Variants in ENPP2 observed in about 807,000 individuals in gnomAD.
The protein encoded by ENPP2 is ectonucleotide pyrophosphatase/phosphodiesterase 2.
In ENPP2, 51 loss-of-function variants were observed where a neutral mutation model predicts 120.2. That is an observed-to-expected ratio of 0.42 (90% CI 0.34 to 0.54). The LOEUF (loss-of-function observed/expected upper bound fraction) is 0.54. Ranked by LOEUF, ENPP2 falls within the 20% of genes least tolerant of loss-of-function variation. The pLI is 0.04. For synonymous variants in ENPP2, 365 were observed against 366.4 expected (o/e 1.00, Z 0.04); for missense variants, 920 against 1,066.5 (o/e 0.86, Z 1.91).
chr8:119,568,269 CA>C lies in ENPP2; in HGVS notation c.2054-18del. 7.4e-7 allele frequency: 1 copy of C among 1,345,142 alleles called. No individual in the cohort carries two copies. Among genetic ancestry groups the C allele is most frequent in the Non-Finnish European group, 1.1e-6 (1 of 951,068 alleles). The allele number at this position is 1,345,142 out of a possible 1,614,324, so 83.3% of individuals were successfully genotyped here. A position where few individuals can be genotyped will look rare whatever the true frequency, so the allele number is the denominator to read the frequency against. ...AGCTCAGATCTAAACATTAGGAAAA[CA>C]AATAGTATACGTTGCTTACCAAAAT... On this transcript the variant is annotated intron_variant, in intron 21 of 24. Coordinates refer to ENST00000075322, the MANE Select transcript of ENPP2 (RefSeq NM_001040092.3).
intron 1 of ENPP2, among the ~76,000 whole-genome samples, chr8:119,648,288 G>A (rs1216766985): frequency 6.6e-6 from 1 of 152,106 alleles, no homozygotes; most frequent in East Asian, 1.9e-4. Flanking sequence ...CTAAAGTGCT[G>A]GGCATAGAGT....
At chr8:119,623,191 C>G (rs1816027904) in intron 3 of ENPP2, among the ~76,000 whole-genome samples, 1 of 152,146 alleles carries the variant, frequency 6.6e-6, no homozygotes, top group Non-Finnish European at 1.5e-5. Flanking sequence ...ACGGGCCAGG[C>G]TCAGTGGCTC....
At chr8:119,590,718 T>G in intron 12 of ENPP2, 88 bp from the exon 13 acceptor site, 1 of 938,946 alleles carries the variant, frequency 1.1e-6, no homozygotes, top group Non-Finnish European at 1.5e-6. Context: ...CAGGCATCTC[T>G]TTAGTTAGTT....
chr8:119,624,420 T>G (rs1816126913), intron 3 of ENPP2, among the ~76,000 whole-genome samples: 1 of 152,158 alleles, frequency 6.6e-6, no homozygotes, highest in African/African-American at 2.4e-5. Context: ...TGAAAGGTCC[T>G]TGTGTCCTTT....
At chr8:119,558,790 A>G (rs1813685091) in intron 24 of ENPP2, among the ~76,000 whole-genome samples, 1 of 152,084 alleles carries the variant, frequency 6.6e-6, no homozygotes, top group Admixed American at 6.6e-5. Context: ...CCCTTCTACA[A>G]GTTGAAGGGT....
chr8:119,626,185 C>T (rs549325102), intron 3 of ENPP2, among the ~76,000 whole-genome samples: 2 of 152,200 alleles, frequency 1.3e-5, no homozygotes, highest in East Asian at 3.9e-4. Flanking sequence ...CAGTGAGATG[C>T]TATCTCTTAA....
At chr8:119,572,309 T>G in intron 19 of ENPP2, 1 of 1,280,216 alleles carries the variant, frequency 7.8e-7, no homozygotes. Flanking sequence ...CATTTAAGTT[T>G]TCATGGTTAC....
chr8:119,656,028 C>A (rs960163161), intron 1 of ENPP2, among the ~76,000 whole-genome samples: 1 of 152,200 alleles, frequency 6.6e-6, no homozygotes, highest in African/African-American at 2.4e-5. Flanking sequence ...AGGTTGGAGC[C>A]ACTATACCAA....
intron 1 of ENPP2, among the ~76,000 whole-genome samples, chr8:119,651,477 T>A (rs935640006): frequency 1.3e-5 from 2 of 152,202 alleles, no homozygotes; most frequent in African/African-American, 2.4e-5. Context: ...TTGCCCAAGT[T>A]CAAGTGCCTA....
chr8:119,580,103 A>T lies in ENPP2; in HGVS notation c.1780+13T>A, dbSNP rs1430752781. 6.2e-7 allele frequency: 1 copy of T among 1,604,718 alleles called. No homozygotes were observed. Among genetic ancestry groups the T allele is most frequent in the Non-Finnish European group, 8.5e-7 (1 of 1,171,820 alleles). Reference sequence around the variant, plus strand: ...GAAAAACCTTATCTGATTATTTTGCAACCACCCCTTACCTTCTGTAGACCC... The same window carrying T: ...GAAAAACCTTATCTGATTATTTTGCTACCACCCCTTACCTTCTGTAGACCC... On this transcript the variant is annotated intron_variant, in intron 19 of 24. Coordinates refer to ENST00000075322, the MANE Select transcript of ENPP2 (RefSeq NM_001040092.3).
In ENPP2 at chr8:119,583,721, C is replaced by T; in HGVS notation, c.1539G>A (p.Met513Ile). ...PFENIELYNV[M>I]CDLLGLKPAP... The stretch of plus-strand genomic sequence containing the variant: ...CTGATTAAATGAGTGACTTACCACA[C>T]ATAACATTGTAAAGTTCAATGTTTT... Residue 513 changes from methionine (M) to isoleucine (I), a missense_variant, in exon 17 of 25, where the codon ATG (methionine) becomes ATA (isoleucine). Transcript: ENST00000075322. The T allele has an allele frequency of 1.3e-6, 2 of 1,531,316 alleles. No homozygotes were observed. The highest frequency in any genetic ancestry group is 1.8e-6 in the Non-Finnish European group (2 of 1,106,770). 94.9% of individuals were successfully genotyped at this position (1,531,316 alleles called of 1,614,324 possible). A position where few individuals can be genotyped will look rare whatever the true frequency, so the allele number is the denominator to read the frequency against.
chr8:119,621,277 T>C (rs1349002089), intron 4 of ENPP2, 117 bp downstream of exon 4: 17 of 855,700 alleles, frequency 2.0e-5, no homozygotes, highest in Non-Finnish European at 2.8e-5. Context: ...AAAGGACAAT[T>C]CATTCCTTCC....
intron 17 of ENPP2, among the ~76,000 whole-genome samples, chr8:119,582,926 G>A (rs1354063353): frequency 3.3e-5 from 5 of 152,206 alleles, no homozygotes; most frequent in Non-Finnish European, 7.3e-5. Flanking sequence ...ACCCAAGGGT[G>A]ATCAATGTCA....
chr8:119,603,791 G>A (rs993420735), intron 9 of ENPP2, among the ~76,000 whole-genome samples: 10 of 152,082 alleles, frequency 6.6e-5, no homozygotes, highest in Non-Finnish European at 8.8e-5. Context: ...TTGTGTAAAC[G>A]TAAATAAAGA....
intron 11 of ENPP2, among the ~76,000 whole-genome samples, chr8:119,598,371 GA>G (rs761496046): frequency 1.3e-5 from 2 of 151,986 alleles, no homozygotes; most frequent in African/African-American, 4.8e-5. Flanking sequence ...TAGTAATACT[GA>G]AAAAAACATA....
chr8:119,590,774 T>C (rs1813439953), intron 12 of ENPP2, 144 bp from the exon 13 acceptor site: 1 of 523,448 alleles, frequency 1.9e-6, no homozygotes, highest in Non-Finnish European at 3.2e-6. Flanking sequence ...GATTTTTGTA[T>C]TTGACTTTAA....
At chr8:119,668,018 T>C (rs899866186) in intron 1 of ENPP2, among the ~76,000 whole-genome samples, 5 of 152,128 alleles carry the variant, frequency 3.3e-5, no homozygotes, top group Non-Finnish European at 7.3e-5. Context: ...TTACTCAGCC[T>C]TTGGGTCTCA....
chr8:119,625,676 T>C (rs766919693), intron 3 of ENPP2, among the ~76,000 whole-genome samples: 17 of 152,194 alleles, frequency 1.1e-4, no homozygotes, highest in Admixed American at 7.2e-4. Flanking sequence ...CTTTCTCAGA[T>C]AGTTTGTGTA....
intron 1 of ENPP2, among the ~76,000 whole-genome samples, chr8:119,651,524 A>G (rs1194617001): frequency 6.6e-6 from 1 of 152,246 alleles, no homozygotes; most frequent in Non-Finnish European, 1.5e-5. Context: ...TGATTTCCCA[A>G]TAAGAATTAC....
Sources: allele counts gnomAD v4.1 joint callset (sites outside exome capture counted in the v4.1 genomes callset), GRCh38; gene constraint gnomAD v4.1.1; transcripts MANE v1.5; gene names NCBI Gene and HGNC (gene_info 2026-07-23, HGNC 2026-07-21).